The following KCNK10 variants were observed in gnomAD, a reference collection of about 807,000 sequenced individuals.
KCNK10 encodes potassium two pore domain channel subfamily K member 10.
KCNK10 carries 25 observed loss-of-function variants against 47.7 expected under a neutral mutation model. The ratio of observed to expected loss-of-function variants is 0.52; its 90% CI spans 0.38 to 0.73. KCNK10 has a LOEUF of 0.73. KCNK10 is among the 30% of genes least tolerant of loss of function. The pLI is 0.00. For missense variants in KCNK10, 563 were observed against 714.5 expected (o/e 0.79, Z 2.42); for synonymous variants, 303 against 285.6 (o/e 1.06, Z -0.61).
At chr14:88,228,732 A>G (rs1886065670) in intron 3 of KCNK10, among the ~76,000 whole-genome samples, 1 of 152,162 alleles carries the variant, frequency 6.6e-6, no homozygotes, top group African/African-American at 2.4e-5. Context: ...GGAATGAGTC[A>G]CCTGGATACT....
chr14:88,235,100 C>CTTG, intron 3 of KCNK10: 1 of 456,534 alleles, frequency 2.2e-6, no homozygotes. Context: ...GTTCAGAAAA[C>CTTG]AGGGAGGTAG....
chr14:88,280,375 C>T (rs1307157664), intron 1 of KCNK10, among the ~76,000 whole-genome samples: 1 of 152,194 alleles, frequency 6.6e-6, no homozygotes, highest in East Asian at 1.9e-4. Context: ...TGCCTAAACA[C>T]TGGACTTCCG....
chr14:88,201,286 C>T (rs533863206), intron 4 of KCNK10, among the ~76,000 whole-genome samples: 1 of 152,292 alleles, frequency 6.6e-6, no homozygotes, highest in Admixed American at 6.5e-5. Context: ...GATTCATTTC[C>T]TTATTCATCT....
intron 1 of KCNK10, among the ~76,000 whole-genome samples, chr14:88,280,973 C>G (rs1887638726): frequency 6.6e-6 from 1 of 150,724 alleles, no homozygotes; most frequent in Non-Finnish European, 1.5e-5. Context: ...AAAATGCAAG[C>G]CCCTTATCAT....
chr14:88,278,802 A>C (rs1328754922), intron 1 of KCNK10, among the ~76,000 whole-genome samples: 3 of 152,196 alleles, frequency 2.0e-5, no homozygotes, highest in Non-Finnish European at 2.9e-5. Flanking sequence ...ACCTCACAGA[A>C]AGGAGGAGAA....
chr14:88,203,427 G>A (rs1408588581), intron 4 of KCNK10, among the ~76,000 whole-genome samples: 1 of 152,196 alleles, frequency 6.6e-6, no homozygotes, highest in African/African-American at 2.4e-5. Context: ...GGAGGTCAGG[G>A]CAAGCTGGCT....
At chr14:88,255,332 T>C (rs1028905454) in intron 2 of KCNK10, among the ~76,000 whole-genome samples, 19 of 152,108 alleles carry the variant, frequency 1.2e-4, no homozygotes, top group Non-Finnish European at 8.8e-5. Flanking sequence ...TTATTGGCTG[T>C]CTGGACTTGG....
At chr14:88,278,312 C>T (rs1451090654) in intron 1 of KCNK10, among the ~76,000 whole-genome samples, 1 of 152,142 alleles carries the variant, frequency 6.6e-6, no homozygotes, top group South Asian at 2.1e-4. Context: ...GAGAAGTGTC[C>T]CTTCTCCTAG....
chr14:88,227,361 G>T lies in KCNK10; in HGVS notation c.681+14C>A. 4 of 1,584,640 alleles carry T rather than the reference G, an allele frequency of 2.5e-6. No individual in the cohort carries two copies. Among genetic ancestry groups the T allele is most frequent in the South Asian group, 1.2e-5 (1 of 84,804 alleles). ...ATCACAGTGGTTAGAATTTAAATAT[G>T]ACACAGTACTCACTCGAAAGACCTT... On this transcript the variant is annotated intron_variant, in intron 4 of 6. Coordinates refer to ENST00000319231, the MANE Select transcript of KCNK10 (RefSeq NM_138317.3).
chr14:88,241,324 T>C (rs1886460019), intron 2 of KCNK10, among the ~76,000 whole-genome samples: 1 of 152,210 alleles, frequency 6.6e-6, no homozygotes, highest in African/African-American at 2.4e-5. Flanking sequence ...TGTTTGAACC[T>C]CTCTGAGCCT....
chr14:88,236,714 A>T (rs1279871572), intron 3 of KCNK10, among the ~76,000 whole-genome samples: 2 of 152,242 alleles, frequency 1.3e-5, no homozygotes, highest in Non-Finnish European at 2.9e-5. Context: ...TGCATATAAA[A>T]GTTATGTTTA....
At position 88,307,327 on chromosome 14, in the gene KCNK10, T is replaced by TCACACACACACACACACACACA. The variant is rs112756986; in HGVS notation, c.52+15398_52+15419dup. 2.0e-5 allele frequency among the ~76,000 whole-genome samples: 3 copies of TCACACACACACACACACACACA among 148,850 alleles called. 1 individual carries two copies. Among genetic ancestry groups the TCACACACACACACACACACACA allele is most frequent in the East Asian group, 4.0e-4 (2 of 5,036 alleles). On this transcript the variant is annotated intron_variant, in intron 1 of 6. Transcript: ENST00000319231. ...CATTATGTTACGTGAAAGAAGCTGA[T>TCACACACACACACACACACACA]CACACACACACACACACACACACAC...
chr14:88,295,185 T>G (rs1887961624), intron 1 of KCNK10, among the ~76,000 whole-genome samples: 1 of 152,214 alleles, frequency 6.6e-6, no homozygotes, highest in African/African-American at 2.4e-5. Context: ...TTATTTCCCC[T>G]AAATTAATAG....
chr14:88,304,537 A>T lies in KCNK10; in HGVS notation c.52+18210T>A, dbSNP rs146573570. Among the ~76,000 whole-genome samples the T allele has an allele frequency of 8.0e-3, 1,220 of 152,340 alleles. 12 individuals carry two copies. Among genetic ancestry groups the T allele is most frequent in the Middle Eastern group, 0.034 (10 of 294 alleles). Reference sequence around the variant, plus strand: ...CAGTGAAAAAAGTTTGAGTCACCCGATGCACATGTCCTCAGCTGAGGTTGA... The same window carrying T: ...CAGTGAAAAAAGTTTGAGTCACCCGTTGCACATGTCCTCAGCTGAGGTTGA... On this transcript the variant is annotated intron_variant, in intron 1 of 6. Transcript: ENST00000319231.
At chr14:88,308,592 G>A (rs1252934089) in intron 1 of KCNK10, among the ~76,000 whole-genome samples, 1 of 152,208 alleles carries the variant, frequency 6.6e-6, no homozygotes, top group East Asian at 1.9e-4. Context: ...CCCGGCACAG[G>A]CACACTTGTG....
chr14:88,204,529 G>A (rs944050679), intron 4 of KCNK10, among the ~76,000 whole-genome samples: 9 of 151,856 alleles, frequency 5.9e-5, no homozygotes, highest in Non-Finnish European at 1.3e-4. Flanking sequence ...TCCAGAATAC[G>A]TCAACCCACT....
chr14:88,255,531 CAA>C (rs33933825), intron 2 of KCNK10, among the ~76,000 whole-genome samples: 2 of 140,010 alleles, frequency 1.4e-5, no homozygotes, highest in Admixed American at 7.3e-5. Flanking sequence ...CTGTCTCTAC[CAA>C]AAAAAAAAAA....
At chr14:88,291,076 T>C (rs1245419036) in intron 1 of KCNK10, among the ~76,000 whole-genome samples, 3 of 152,184 alleles carry the variant, frequency 2.0e-5, no homozygotes, top group Admixed American at 1.3e-4. Context: ...GTACAAACTA[T>C]TGCTTTCACC....
At chr14:88,192,928 G>A (rs1016678298) in intron 4 of KCNK10, among the ~76,000 whole-genome samples, 7 of 152,156 alleles carry the variant, frequency 4.6e-5, no homozygotes, top group Admixed American at 1.3e-4. Flanking sequence ...TGGATGAAAC[G>A]GAAAACACAG....
Sources: gnomAD v4.1 joint callset for allele counts (sites outside exome capture counted in the v4.1 genomes callset) on GRCh38, gnomAD v4.1.1 for gene constraint, MANE v1.5 for transcripts, NCBI Gene and HGNC (gene_info 2026-07-23, HGNC 2026-07-21) for gene names.